INPP5A: variants seen among roughly 807,000 people sequenced by gnomAD.
The protein encoded by INPP5A is inositol polyphosphate-5-phosphatase A, also known as 43 kDa inositol polyphosphate 5-phophatase.
A neutral mutation model predicts 65.2 loss-of-function variants in INPP5A; 14 were observed. The observed-to-expected ratio is 0.21, with a 90% CI of 0.14 to 0.34. INPP5A has a LOEUF of 0.34. Ranked by LOEUF, INPP5A falls within the 10% of genes least tolerant of loss-of-function variation. INPP5A has a pLI of 1.00. For missense variants in INPP5A, 431 were observed against 545.6 expected, an observed-to-expected ratio of 0.79 and a Z score of 2.09; for synonymous variants, 207 against 208.3, an observed-to-expected ratio of 0.99 and a Z score of 0.05.
intron 9 of INPP5A, among the ~76,000 whole-genome samples, chr10:132,734,677 G>A (rs79745673): frequency 0.032 from 4,846 of 152,336 alleles, 113 homozygotes; most frequent in Non-Finnish European, 0.049. Flanking sequence ...ATGGCCTTGG[G>A]CACCAGGAGT....
chr10:132,670,187 ACCCCCTGACCCCAC>A (rs2072865729), intron 4 of INPP5A, among the ~76,000 whole-genome samples: 3 of 14,956 alleles, frequency 2.0e-4, no homozygotes, highest in African/African-American at 8.8e-4. Flanking sequence ...CTGACCCCAC[ACCCCCTGACCCCAC>A]CCCCCCGACC....
Position 132,637,709 on chromosome 10 carries a change from G to A in INPP5A, c.118-8159G>A, listed in dbSNP as rs780505371. Among the ~76,000 whole-genome samples the A allele has an allele frequency of 2.0e-5, 3 of 152,086 alleles. No homozygotes were observed. The highest frequency in any genetic ancestry group is 4.4e-5 in the Non-Finnish European group (3 of 68,032). ...TTTGCCGCCCCCGAGGTTGATGGGC[G>A]CTCTCCGTCTCTTTCTCCCAGTGGT... is the stretch of plus-strand genomic sequence containing the variant. On this transcript the variant is annotated intron_variant, in intron 2 of 15. Coordinates refer to ENST00000368594, the MANE Select transcript of INPP5A (RefSeq NM_005539.5). The surrounding 1 kb of genome is among the most constrained non-coding windows in gnomAD (Gnocchi z 4.1).
Position 132,587,334 on chromosome 10 carries a change from G to T in INPP5A, c.76-20581G>T, listed in dbSNP as rs986634846. On this transcript the variant is annotated intron_variant, in intron 1 of 15. Transcript: ENST00000368594. This position sits in a 1 kb window ranked among gnomAD's most constrained non-coding sequence, Gnocchi z 4.3. Reference sequence around the variant, plus strand: ...GGTACATCCTCACAGGGGTGGCAGGGGGTCCGATTGAGGAGCAGTTGGGTG... The same window carrying T: ...GGTACATCCTCACAGGGGTGGCAGGTGGTCCGATTGAGGAGCAGTTGGGTG... Among the ~76,000 whole-genome samples, 12 of 152,238 alleles carry T rather than the reference G, an allele frequency of 7.9e-5. No individual in the cohort carries two copies. The highest frequency in any genetic ancestry group is 1.8e-4 in the Non-Finnish European group (12 of 68,024).
At chr10:132,584,736 G>A (rs1211289734) in intron 1 of INPP5A, among the ~76,000 whole-genome samples, 2 of 152,056 alleles carry the variant, frequency 1.3e-5, no homozygotes, top group Admixed American at 6.6e-5. Flanking sequence ...CTGTTTTTGT[G>A]TTAATTTACT....
Position 132,651,069 on chromosome 10 carries a change from G to T in INPP5A, c.306+564G>T, listed in dbSNP as rs188563511. The stretch of plus-strand genomic sequence containing the variant: ...CTCTGTCAGGTGGACACATGAGAGG[G>T]TGGCCCTGGTGGACGTGGCAGCCAC... On this transcript the variant is annotated intron_variant, in intron 4 of 15. Coordinates refer to ENST00000368594, the MANE Select transcript of INPP5A (RefSeq NM_005539.5). This position sits in a 1 kb window ranked among gnomAD's most constrained non-coding sequence, Gnocchi z 5.0. Among the ~76,000 whole-genome samples, 16 of 152,302 alleles carry T rather than the reference G, an allele frequency of 1.1e-4. No individual in the cohort carries two copies. The highest frequency in any genetic ancestry group is 1.9e-4 in the Non-Finnish European group (13 of 68,002).
At chr10:132,696,012 G>A (rs562824057) in intron 5 of INPP5A, among the ~76,000 whole-genome samples, 2 of 152,160 alleles carry the variant, frequency 1.3e-5, no homozygotes, top group East Asian at 3.9e-4. Flanking sequence ...GAGCCCTCAC[G>A]AATGGGATCG....
Position 132,651,195 on chromosome 10 carries a change from C to A in INPP5A, c.306+690C>A, listed in dbSNP as rs192471898. 2.4e-3 allele frequency among the ~76,000 whole-genome samples: 373 copies of A among 152,258 alleles called. No homozygotes were observed. The highest frequency in any genetic ancestry group is 8.4e-3 in the African/African-American group (350 of 41,570). On this transcript the variant is annotated intron_variant, in intron 4 of 15. Transcript: ENST00000368594. This position sits in a 1 kb window ranked among gnomAD's most constrained non-coding sequence, Gnocchi z 5.0. Reference sequence around the variant, plus strand: ...AACTTGCTGTTGGTTCAGAGACCCACGTCTTAAATCCCGTCTTTATGCCCT... The same window carrying A: ...AACTTGCTGTTGGTTCAGAGACCCAAGTCTTAAATCCCGTCTTTATGCCCT...
chr10:132,562,290 G>A (rs2071216081), intron 1 of INPP5A, among the ~76,000 whole-genome samples: 1 of 152,250 alleles, frequency 6.6e-6, no homozygotes, highest in Non-Finnish European at 1.5e-5. Flanking sequence ...AACCTGGGAG[G>A]CACCTTCTGC....
chr10:132,701,358 C>T (rs1845434036), intron 6 of INPP5A, among the ~76,000 whole-genome samples: 1 of 152,214 alleles, frequency 6.6e-6, no homozygotes, highest in African/African-American at 2.4e-5. Context: ...GGAGCCACGG[C>T]CGTCCCATCT....
At chr10:132,717,583 G>T (rs1173257568) in intron 8 of INPP5A, among the ~76,000 whole-genome samples, 1 of 151,020 alleles carries the variant, frequency 6.6e-6, no homozygotes, top group Non-Finnish European at 1.5e-5. Flanking sequence ...TTAGACGGCT[G>T]TCTTGTGGGT....
In INPP5A at chr10:132,551,393, G is replaced by A. The variant is rs1320653941; in HGVS notation, c.75+13222G>A. ...CAGCCCACCGTCATCTGCCTGCAGC[G>A]TCCCTCCAGGTGGTCGGGGGACACC... On this transcript the variant is annotated intron_variant, in intron 1 of 15. Coordinates refer to ENST00000368594, the MANE Select transcript of INPP5A (RefSeq NM_005539.5). This position sits in a 1 kb window ranked among gnomAD's most constrained non-coding sequence, Gnocchi z 5.3. Among the ~76,000 whole-genome samples, 1 of 152,176 alleles carries A rather than the reference G, an allele frequency of 6.6e-6. No individual in the cohort carries two copies. The highest frequency in any genetic ancestry group is 2.4e-5 in the African/African-American group (1 of 41,438).
In INPP5A at chr10:132,537,914, A is replaced by AGCGAGCGC. The variant is rs2070859094; in HGVS notation, c.-181_-174dup. Reference sequence around the variant, plus strand: ...GGGGCCGCGGAGCAGCGAGCGAGCGAGCGAGCGCGAGGCCGGAGCCCCGGC... The same window carrying AGCGAGCGC: ...GGGGCCGCGGAGCAGCGAGCGAGCGAGCGAGCGCGCGAGCGCGAGGCCGGAGCCCCGGC... On this transcript the variant is annotated 5_prime_UTR_variant, in exon 1 of 16. Transcript: ENST00000368594. 1 of 207,292 alleles carries AGCGAGCGC rather than the reference A, an allele frequency of 4.8e-6. No homozygotes were observed. The highest frequency in any genetic ancestry group is 9.3e-6 in the Non-Finnish European group (1 of 107,080). 12.8% of individuals were successfully genotyped at this position (207,292 alleles called of 1,614,324 possible).
intron 4 of INPP5A, among the ~76,000 whole-genome samples, chr10:132,687,649 G>T (rs1845159480): frequency 6.6e-6 from 1 of 152,216 alleles, no homozygotes; most frequent in African/African-American, 2.4e-5. Flanking sequence ...TCTGGGTGGT[G>T]GCCAGGATGC....
chr10:132,756,296 G>C (rs981550462), intron 11 of INPP5A, among the ~76,000 whole-genome samples: 1 of 144,622 alleles, frequency 6.9e-6, no homozygotes, highest in Admixed American at 6.9e-5. Context: ...ATGTGCACTA[G>C]TGTGTGTGGT....
Position 132,694,968 on chromosome 10 carries a change from G to A in INPP5A, c.371-2848G>A, listed in dbSNP as rs538576654. Among the ~76,000 whole-genome samples, 25 of 152,250 alleles carry A rather than the reference G, an allele frequency of 1.6e-4. No individual in the cohort carries two copies. The East Asian group carries it at 1.7e-3, about 11-fold the overall frequency. ...ATTCTATCAAGCATTTAAGGAAGAC[G>A]TTATACCAGTTCTCTACAATCTTTT... On this transcript the variant is annotated intron_variant, in intron 5 of 15. Transcript: ENST00000368594.
At position 132,774,317 on chromosome 10, in the gene INPP5A, G is replaced by A. The variant is rs146941074; in HGVS notation, c.978-3354G>A. ...GGGGTGTGTCAGAACCGTTTTCTCT[G>A]TAGTGTGCTGCACCCTCCTGCTCCG... On this transcript the variant is annotated intron_variant, in intron 12 of 15. Coordinates refer to ENST00000368594, the MANE Select transcript of INPP5A (RefSeq NM_005539.5). Among the ~76,000 whole-genome samples the A allele has an allele frequency of 2.3e-3, 357 of 152,304 alleles. 2 individuals are homozygous for A. The highest frequency in any genetic ancestry group is 7.8e-3 in the African/African-American group (324 of 41,564).
At chr10:132,607,076 G>T (rs1345824571) in intron 1 of INPP5A, among the ~76,000 whole-genome samples, 3 of 152,200 alleles carry the variant, frequency 2.0e-5, no homozygotes, top group Admixed American at 6.5e-5. Flanking sequence ...CGTCCGCGGT[G>T]ACCTCCCTCC....
chr10:132,614,339 C>T (rs2072001590), intron 2 of INPP5A, among the ~76,000 whole-genome samples: 2 of 152,246 alleles, frequency 1.3e-5, no homozygotes, highest in East Asian at 1.9e-4. Flanking sequence ...TGGTGGTGGG[C>T]GCCTGTAATC....
In INPP5A at chr10:132,645,938, C is replaced by T; in HGVS notation, c.188C>T (p.Ala63Val). 6.2e-7 allele frequency: 1 copy of T among 1,613,904 alleles called. No individual in the cohort carries two copies. The highest frequency in any genetic ancestry group is 8.5e-7 in the Non-Finnish European group (1 of 1,179,826). ...GAGTTTGGAGGGAAGAACTACGAGGCCTCCATGTCCCACGTGGACAAGTTC... is the reference window on the plus strand; with the variant it reads ...GAGTTTGGAGGGAAGAACTACGAGGTCTCCATGTCCCACGTGGACAAGTTC... ...CQEFGGKNYE[A>V]SMSHVDKFVK... Residue 63 changes from alanine to valine, a missense_variant, in exon 3 of 16, where the codon GCC becomes GTC. Physicochemically the swap from Ala to Val is moderately conservative, Grantham distance 64. Coordinates refer to ENST00000368594, the MANE Select transcript of INPP5A (RefSeq NM_005539.5).
Sources: allele counts gnomAD v4.1 joint callset (sites outside exome capture counted in the v4.1 genomes callset), GRCh38; gene constraint gnomAD v4.1.1; non-coding constraint Gnocchi (gnomAD v3.1); transcripts MANE v1.5; gene names NCBI Gene and HGNC (gene_info 2026-07-23, HGNC 2026-07-21).